FSCN1: variants seen among roughly 807,000 people sequenced by gnomAD.
FSCN1 encodes the protein fascin.
Under a neutral mutation model 39.7 loss-of-function variants are expected in FSCN1, and 10 were observed. The observed-to-expected ratio is 0.25, with a 90% CI of 0.16 to 0.43. The LOEUF is 0.43. Ranked by LOEUF, FSCN1 falls within the 20% of genes least tolerant of loss-of-function variation. The pLI is 1.00. For missense variants in FSCN1, 525 were observed against 723.8 expected (o/e 0.73, Z 3.15); for synonymous variants, 322 against 320.0 (o/e 1.01, Z -0.07).
Position 5,603,729 on chromosome 7 carries a change from C to A in FSCN1, c.1111+112C>A. ...GGCCTGCTCTGTGCTGGGCATCCCCCCGGACTGGCCCCGCACTGTCCTACC... is the reference window on the plus strand; with the variant it reads ...GGCCTGCTCTGTGCTGGGCATCCCCACGGACTGGCCCCGCACTGTCCTACC... On this transcript the variant is annotated intron_variant, in intron 3 of 4. Transcript: ENST00000382361. This position sits in a 1 kb window ranked among gnomAD's most constrained non-coding sequence, Gnocchi z 8.5. 6.5e-7 allele frequency: 1 copy of A among 1,527,252 alleles called. No individual in the cohort carries two copies. The highest frequency in any genetic ancestry group is 1.2e-5 in the South Asian group (1 of 85,090). 94.6% of individuals were successfully genotyped at this position (1,527,252 alleles called of 1,614,324 possible). A position where few individuals can be genotyped will look rare whatever the true frequency, so the allele number is the denominator to read the frequency against.
At position 5,605,420 on chromosome 7, in the gene FSCN1, C is replaced by T. The variant is rs138127333; in HGVS notation, c.1428C>T (p.Gly476=). ...GGRYLKGDHA[G]VLKASAETVD... ...GCTACCTGAAGGGCGACCACGCAGG[C>T]GTCCTGAAGGCCTCGGCGGAAACCG... Residue 476 remains glycine (G), a synonymous_variant, in exon 5 of 5, where the codon GGC becomes GGT. Coordinates refer to ENST00000382361, the MANE Select transcript of FSCN1 (RefSeq NM_003088.4). This position sits in a 1 kb window ranked among gnomAD's most constrained non-coding sequence, Gnocchi z 6.9. 50 of 1,611,644 alleles carry T rather than the reference C, an allele frequency of 3.1e-5. No homozygotes were observed. Among genetic ancestry groups the T allele is most frequent in the Non-Finnish European group, 4.0e-5 (47 of 1,179,130 alleles).
rs1198855661 is a variant in FSCN1, at chr7:5,605,497, C to T, written c.*23C>T. The stretch of plus-strand genomic sequence containing the variant: ...TAGGGCCGGCCCGTCCTTCCCCGCC[C>T]CTGCCCACATGGCGGCTCCTGCCAA... On this transcript the variant is annotated 3_prime_UTR_variant, in exon 5 of 5. Transcript: ENST00000382361. The surrounding 1 kb of genome is among the most constrained non-coding windows in gnomAD (Gnocchi z 6.9). 6.6e-7 allele frequency: 1 copy of T among 1,504,590 alleles called. No individual in the cohort carries two copies. The highest frequency in any genetic ancestry group is 2.0e-5 in the Admixed American group (1 of 49,388). 93.2% of individuals were successfully genotyped at this position (1,504,590 alleles called of 1,614,324 possible). A position where few individuals can be genotyped will look rare whatever the true frequency, so the allele number is the denominator to read the frequency against.
chr7:5,604,163 C>T (rs1456602117), intron 4 of FSCN1, 133 bp downstream of exon 4: 1 of 790,674 alleles, frequency 1.3e-6, no homozygotes. Context: ...CCTAAAGGGA[C>T]AGGTGTCTGA....
At chr7:5,597,899 G>A (rs888358320) in intron 1 of FSCN1, among the ~76,000 whole-genome samples, 3 of 152,216 alleles carry the variant, frequency 2.0e-5, no homozygotes, top group Admixed American at 2.0e-4. Flanking sequence ...GGCTCCCGGG[G>A]GCTTCTGTGG....
chr7:5,596,510 C>G (rs778451920), intron 1 of FSCN1, among the ~76,000 whole-genome samples: 2 of 152,098 alleles, frequency 1.3e-5, no homozygotes, highest in Non-Finnish European at 2.9e-5. Flanking sequence ...TCCCGCCATG[C>G]CCCAGGCTCC....
chr7:5,601,493 G>T (rs189761345), intron 1 of FSCN1, among the ~76,000 whole-genome samples: 135 of 152,102 alleles, frequency 8.9e-4, no homozygotes, highest in African/African-American at 3.0e-3. Context: ...GTGAGCCGCC[G>T]TGGCAACCCG....
At chr7:5,595,312 C>T (rs550241148) in intron 1 of FSCN1, among the ~76,000 whole-genome samples, 1 of 152,288 alleles carries the variant, frequency 6.6e-6, no homozygotes, top group East Asian at 1.9e-4. Flanking sequence ...TGTCATGGGT[C>T]ACACAGCAAG....
chr7:5,594,384 C>T (rs951663606), intron 1 of FSCN1, among the ~76,000 whole-genome samples: 8 of 152,080 alleles, frequency 5.3e-5, no homozygotes, highest in African/African-American at 1.7e-4. Flanking sequence ...GGGGTGTCAG[C>T]CCTTCCCCCC....
rs1470237283 is a variant in FSCN1 at position 5,603,139 on chromosome 7, C to T, written c.833-118C>T. On this transcript the variant is annotated intron_variant, in intron 1 of 4. Transcript: ENST00000382361. The surrounding 1 kb of genome is among the most constrained non-coding windows in gnomAD (Gnocchi z 8.5). ...ATGTGTGCCACTGTGGGGACTCGGC[C>T]GCCCACCCCACCCCGTGGTGTTACC... is the stretch of plus-strand genomic sequence containing the variant. The T allele has an allele frequency of 8.4e-6, 10 of 1,197,270 alleles. No homozygotes were observed. Among genetic ancestry groups the T allele is most frequent in the African/African-American group, 1.5e-5 (1 of 66,730 alleles). 74.2% of individuals were successfully genotyped at this position (1,197,270 alleles called of 1,614,324 possible).
At chr7:5,594,328 C>T (rs1785690374) in intron 1 of FSCN1, among the ~76,000 whole-genome samples, 1 of 151,988 alleles carries the variant, frequency 6.6e-6, no homozygotes, top group South Asian at 2.1e-4. Context: ...CCTCCACCTC[C>T]TCCCGCTGCC....
intron 4 of FSCN1, among the ~76,000 whole-genome samples, 166 bp downstream of exon 4, chr7:5,604,196 G>A (rs1785887442): frequency 6.6e-6 from 1 of 152,182 alleles, no homozygotes. Flanking sequence ...GCTCTGGGAT[G>A]CAAGCAGCCC....
In FSCN1 at chr7:5,603,471, C is replaced by T. The variant is rs754431173; in HGVS notation, c.990-25C>T. 8.7e-6 allele frequency: 14 copies of T among 1,613,978 alleles called. No individual in the cohort carries two copies. The African/African-American group carries it at 1.7e-4, about 20-fold the overall frequency. On this transcript the variant is annotated intron_variant, in intron 2 of 4. Transcript: ENST00000382361. This position sits in a 1 kb window ranked among gnomAD's most constrained non-coding sequence, Gnocchi z 8.5. ...CACCACCTTGCCTGGGCTACCCCGC[C>T]TGACCCTGTCCCGCCATCCCCCAGG...
At position 5,594,303 on chromosome 7, in the gene FSCN1, C is replaced by G. The variant is rs985025825; in HGVS notation, c.832+535C>G. Among the ~76,000 whole-genome samples, 6 of 152,188 alleles carry G rather than the reference C, an allele frequency of 3.9e-5. No homozygotes were observed. The East Asian group carries it at 7.8e-4, about 20-fold the overall frequency. On this transcript the variant is annotated intron_variant, in intron 1 of 4. Transcript: ENST00000382361. ...CCGGCGGGGCGCGCCTCCACCTCCC[C>G]GTCTGCCCGGCCTTCCTCCACCTCC...
rs759751694 is a variant in FSCN1, at chr7:5,605,477, C to T, written c.*3C>T. ...CCGCCTCGCTCTGGGAGTACTAGGG[C>T]CGGCCCGTCCTTCCCCGCCCCTGCC... On this transcript the variant is annotated 3_prime_UTR_variant, in exon 5 of 5. Coordinates refer to ENST00000382361, the MANE Select transcript of FSCN1 (RefSeq NM_003088.4). The surrounding 1 kb of genome is among the most constrained non-coding windows in gnomAD (Gnocchi z 6.9). 1 of 1,549,422 alleles carries T rather than the reference C, an allele frequency of 6.5e-7. No individual in the cohort carries two copies. The highest frequency in any genetic ancestry group is 1.2e-5 in the South Asian group (1 of 84,190).
intron 1 of FSCN1, among the ~76,000 whole-genome samples, chr7:5,598,938 G>A (rs967920258): frequency 6.6e-6 from 1 of 152,242 alleles, no homozygotes; most frequent in Non-Finnish European, 1.5e-5. Context: ...CAGAATGAGG[G>A]GGCGGTGAGG....
Position 5,593,548 on chromosome 7 carries a change from G to C in FSCN1, c.612G>C (p.Ala204=). 1 of 1,590,074 alleles carries C rather than the reference G, an allele frequency of 6.3e-7. No individual in the cohort carries two copies. Among genetic ancestry groups the C allele is most frequent in the Non-Finnish European group, 8.5e-7 (1 of 1,173,366 alleles). ...TGCGCCACGACGGGCGCCTGGTGGCGCGCCCCGAGCCGGCCACTGGCTACA... is the reference window on the plus strand; with the variant it reads ...TGCGCCACGACGGGCGCCTGGTGGCCCGCCCCGAGCCGGCCACTGGCTACA... ...RFLRHDGRLV[A]RPEPATGYTL... Residue 204 remains alanine (A), a synonymous_variant, in exon 1 of 5, where the codon GCG becomes GCC. Coordinates refer to ENST00000382361, the MANE Select transcript of FSCN1 (RefSeq NM_003088.4).
In FSCN1 at chr7:5,603,402, C is replaced by T. The variant is rs374500646; in HGVS notation, c.978C>T (p.Thr326=). The change falls in exon 2 of 5, where the codon ACC becomes ACT. Residue 326 remains threonine (T), a synonymous_variant. Transcript: ENST00000382361. This position sits in a 1 kb window ranked among gnomAD's most constrained non-coding sequence, Gnocchi z 8.5. ...TLTATGGVQS[T]ASSKNASCYF... is the part of the protein sequence containing the mutation. ...CGGCCACCGGGGGCGTGCAGTCCAC[C>T]GCCTCCAGCAAGTGAGTGCCTCGCT... 3.2e-5 allele frequency: 52 copies of T among 1,613,732 alleles called. 1 individual carries two copies. The Middle Eastern group carries it at 8.2e-4, about 26-fold the overall frequency.
At chr7:5,597,100 C>T (rs1785742943) in intron 1 of FSCN1, among the ~76,000 whole-genome samples, 1 of 152,174 alleles carries the variant, frequency 6.6e-6, no homozygotes, top group South Asian at 2.1e-4. Flanking sequence ...AATCCAAGCA[C>T]TTTGGGAGGC....
Position 5,604,212 on chromosome 7 carries a change from C to A in FSCN1, c.1279+182C>A, listed in dbSNP as rs191332870. Among the ~76,000 whole-genome samples, 17 of 152,222 alleles carry A rather than the reference C, an allele frequency of 1.1e-4. No homozygotes were observed. In the East Asian group the frequency reaches 3.3e-3, roughly 29 times the overall value. ...CTCTGGGATGCAAGCAGCCCCTTTC[C>A]CTCTTGTCTGTGTGGTTGGGGGGAC... On this transcript the variant is annotated intron_variant, in intron 4 of 4. Transcript: ENST00000382361.
Sources: allele counts gnomAD v4.1 joint callset (sites outside exome capture counted in the v4.1 genomes callset), GRCh38; gene constraint gnomAD v4.1.1; non-coding constraint Gnocchi (gnomAD v3.1); transcripts MANE v1.5; gene names NCBI Gene and HGNC (gene_info 2026-07-23, HGNC 2026-07-21).